Variants in CLDN14 observed in about 807,000 individuals in gnomAD.
CLDN14 encodes claudin 14.
CLDN14 carries 2 observed loss-of-function variants against 2.1 expected under a neutral mutation model. The ratio of observed to expected loss-of-function variants is 0.96; its 90% CI spans 0.39 to 3.01. The LOEUF (loss-of-function observed/expected upper bound fraction) is 3.01, where lower values mean the gene tolerates loss of function less well. Ranked by LOEUF, CLDN14 falls within the 30% of genes most tolerant of loss-of-function variation. The pLI is 0.09. For missense variants in CLDN14, 298 were observed against 328.0 expected (o/e 0.91, Z 0.71); for synonymous variants, 136 against 154.4 (o/e 0.88, Z 0.88).
At chr21:36,475,964 C>G (rs1206820192) in intron 1 of CLDN14, among the ~76,000 whole-genome samples, 1 of 152,008 alleles carries the variant, frequency 6.6e-6, no homozygotes, top group South Asian at 2.1e-4. Flanking sequence ...GAGCCACCAC[C>G]GTACCTGGCC....
intron 2 of CLDN14, among the ~76,000 whole-genome samples, chr21:36,489,131 A>AAAAAAATATAT: frequency 8.0e-5 from 5 of 62,744 alleles, no homozygotes; most frequent in African/African-American, 2.3e-4. Flanking sequence ...AAAAAAAAAA[A>AAAAAAATATAT]ATATATATAT....
chr21:36,500,516 C>T (rs898680748), intron 2 of CLDN14, among the ~76,000 whole-genome samples: 3 of 152,322 alleles, frequency 2.0e-5, no homozygotes, highest in Middle Eastern at 3.4e-3. Flanking sequence ...ACCGCAACCT[C>T]CACCTCCTGG....
chr21:36,545,396 G>C (rs1415930743), intron 1 of CLDN14, among the ~76,000 whole-genome samples: 1 of 152,088 alleles, frequency 6.6e-6, no homozygotes, highest in Non-Finnish European at 1.5e-5. Context: ...TCAGTGCCTA[G>C]GCATCGGGAG....
rs575718846 is a variant in CLDN14, at chr21:36,560,902, T to C, written c.-220+15509A>G. ...AAAGTATCTGTGGTAAGAAATTCTTTTTTGTTGTTGTTTGTTTTTAATTTC... is the reference window on the plus strand; with the variant it reads ...AAAGTATCTGTGGTAAGAAATTCTTCTTTGTTGTTGTTTGTTTTTAATTTC... On this transcript the variant is annotated intron_variant, in intron 1 of 2. Transcript: ENST00000342108. Among the ~76,000 whole-genome samples the C allele has an allele frequency of 3.3e-5, 5 of 152,360 alleles. No homozygotes were observed. In the South Asian group the frequency reaches 1.0e-3, roughly 32 times the overall value.
rs914346503 is a variant in CLDN14 at position 36,472,468 on chromosome 21, G to A, written c.-82+7027C>T. Reference sequence around the variant, plus strand: ...TGTGTCAACTTGGCTGGGCCATGGGGTGCCCAGATATATGATTGAACACTA... The same window carrying A: ...TGTGTCAACTTGGCTGGGCCATGGGATGCCCAGATATATGATTGAACACTA... On this transcript the variant is annotated intron_variant, in intron 1 of 1. Coordinates refer to ENST00000399135, the MANE Select transcript of CLDN14 (RefSeq NM_001146079.2). Among the ~76,000 whole-genome samples the A allele has an allele frequency of 1.3e-5, 2 of 152,302 alleles. 1 individual carries two copies. The highest frequency in any genetic ancestry group is 4.1e-4 in the South Asian group (2 of 4,826).
intron 1 of CLDN14, among the ~76,000 whole-genome samples, chr21:36,538,588 A>G (rs1468282475): frequency 1.3e-5 from 2 of 151,958 alleles, no homozygotes; most frequent in Non-Finnish European, 2.9e-5. Flanking sequence ...CACTCCAGCT[A>G]GGTGACAGAG....
chr21:36,515,016 C>G (rs1208138624), intron 1 of CLDN14, among the ~76,000 whole-genome samples: 1 of 152,136 alleles, frequency 6.6e-6, no homozygotes, highest in Non-Finnish European at 1.5e-5. Context: ...CCACTTTATA[C>G]CTGTTAGGAT....
chr21:36,560,719 A>G, intron 1 of CLDN14, among the ~76,000 whole-genome samples: 1 of 152,212 alleles, frequency 6.6e-6, no homozygotes, highest in East Asian at 1.9e-4. Context: ...GGCATAGAAA[A>G]TGTGAAAATA....
chr21:36,543,174 C>G (rs1041563819), intron 1 of CLDN14, among the ~76,000 whole-genome samples: 1 of 152,244 alleles, frequency 6.6e-6, no homozygotes. Context: ...GTAGAGGGAC[C>G]CCCAGTTTCC....
At chr21:36,510,402 G>A (rs2087175390) in exon 2 of CLDN14, 1 of 152,296 alleles carries the variant, frequency 6.6e-6, no homozygotes, top group Non-Finnish European at 1.5e-5. Context: ...TGGTTTGGCT[G>A]GGCTGGGTGG....
chr21:36,527,140 T>C (rs935055525), intron 1 of CLDN14, among the ~76,000 whole-genome samples: 18 of 152,234 alleles, frequency 1.2e-4, no homozygotes, highest in Non-Finnish European at 2.4e-4. Context: ...AGCTCAACTG[T>C]TCCTCCTCTC....
In CLDN14 at chr21:36,461,532, A is replaced by G. The variant is rs752960573; in HGVS notation, c.164T>C (p.Val55Ala). 1.9e-6 allele frequency: 3 copies of G among 1,613,296 alleles called. No homozygotes were observed. Among genetic ancestry groups the G allele is most frequent in the Non-Finnish European group, 1.7e-6 (2 of 1,180,006 alleles). ...SYLKGLWMEC[V>A]WHSTGIYQCQ... ...CTGGTAGATGCCTGTGCTGTGCCACACACACTCCATCCAGAGCCCTTTCAG... is the reference window on the plus strand; with the variant it reads ...CTGGTAGATGCCTGTGCTGTGCCACGCACACTCCATCCAGAGCCCTTTCAG... Residue 55 changes from valine to alanine, a missense_variant, in exon 2 of 2, where the codon GTG (valine) becomes GCG (alanine). Physicochemically the swap from Val to Ala is moderately conservative, Grantham distance 64. Coordinates refer to ENST00000399135, the MANE Select transcript of CLDN14 (RefSeq NM_001146079.2).
chr21:36,552,821 C>T (rs766742026), intron 1 of CLDN14, among the ~76,000 whole-genome samples: 9 of 152,314 alleles, frequency 5.9e-5, no homozygotes, highest in South Asian at 2.1e-4. Context: ...ACCTTGGCCT[C>T]GCTGCTGGGA....
Position 36,498,113 on chromosome 21 carries a change from G to A in CLDN14, c.-82+12250C>T, listed in dbSNP as rs2087055911. 6.6e-6 allele frequency among the ~76,000 whole-genome samples: 1 copy of A among 151,864 alleles called. No individual in the cohort carries two copies. The highest frequency in any genetic ancestry group is 2.4e-5 in the African/African-American group (1 of 41,312). On this transcript the variant is annotated intron_variant, in intron 2 of 2. Coordinates refer to the CLDN14 transcript ENST00000342108. This position sits in a 1 kb window ranked among gnomAD's most constrained non-coding sequence, Gnocchi z 4.9. Reference sequence around the variant, plus strand: ...CGCCCGGGGTTCAAGCGATTCTCCTGTCTCAGCCTCATGAGTAGCTGGGAT... The same window carrying A: ...CGCCCGGGGTTCAAGCGATTCTCCTATCTCAGCCTCATGAGTAGCTGGGAT...
intron 1 of CLDN14, chr21:36,526,491 T>G (rs1198463026): frequency 6.6e-6 from 1 of 152,230 alleles, no homozygotes; most frequent in Non-Finnish European, 1.5e-5. Flanking sequence ...TTTTAAATGC[T>G]ATTCAACCAG....
chr21:36,502,765 A>G (rs1264812808), intron 2 of CLDN14, among the ~76,000 whole-genome samples: 2 of 152,248 alleles, frequency 1.3e-5, no homozygotes, highest in African/African-American at 4.8e-5. Context: ...ATAAATGGTA[A>G]TAAAGATACG....
chr21:36,563,443 A>G (rs912910777), intron 1 of CLDN14, among the ~76,000 whole-genome samples: 2 of 151,924 alleles, frequency 1.3e-5, no homozygotes, highest in Non-Finnish European at 2.9e-5. Context: ...CAAAGTTGCA[A>G]GTCAATGTGC....
At chr21:36,470,158 T>A (rs2086693058) in intron 1 of CLDN14, among the ~76,000 whole-genome samples, 1 of 152,196 alleles carries the variant, frequency 6.6e-6, no homozygotes, top group South Asian at 2.1e-4. Flanking sequence ...GAACACTTTA[T>A]CTAGGGGATG....
At chr21:36,514,622 A>ATGTGTGT (rs1491330369) in intron 1 of CLDN14, among the ~76,000 whole-genome samples, 40 of 33,726 alleles carry the variant, frequency 1.2e-3, no homozygotes, top group Middle Eastern at 0.025. Context: ...CGTGAGAGAA[A>ATGTGTGT]GTGTGTGTGT....
Sources: gnomAD v4.1 joint callset for allele counts (sites outside exome capture counted in the v4.1 genomes callset) on GRCh38, gnomAD v4.1.1 for gene constraint, Gnocchi (gnomAD v3.1) non-coding constraint, MANE v1.5 for transcripts, NCBI Gene and HGNC (gene_info 2026-07-23, HGNC 2026-07-21) for gene names.